ZC3H12B: variants seen among roughly 807,000 people sequenced by gnomAD.
ZC3H12B encodes the protein probable ribonuclease ZC3H12B.
ZC3H12B carries 7 observed loss-of-function variants against 43.9 expected under a neutral mutation model. The ratio of observed to expected loss-of-function variants is 0.16; its 90% CI spans 0.09 to 0.30. The LOEUF is 0.30. ZC3H12B is among the 10% of genes least tolerant of loss of function. The pLI is 1.00. For missense variants in ZC3H12B, 475 were observed against 670.2 expected, an observed-to-expected ratio of 0.71 and a Z score of 3.22; for synonymous variants, 222 against 241.7, an observed-to-expected ratio of 0.92 and a Z score of 0.76.
chrX:65,436,999 C>T lies in ZC3H12B; in HGVS notation n.407+38295C>T, dbSNP rs995144709. 3.6e-5 allele frequency among the ~76,000 whole-genome samples: 4 copies of T among 110,294 alleles called. No individual in the cohort carries two copies. In the Admixed American group the frequency reaches 3.9e-4, roughly 11 times the overall value. On this transcript the variant is annotated intron_variant and non_coding_transcript_variant, in intron 3 of 5. Coordinates refer to the ZC3H12B transcript ENST00000617377. ...ATGGAGTCTTGCTCCATCACCCTGG[C>T]TGTAGTACAGTGGTGGGATCTTGGC...
At chrX:65,172,184 C>T in the ZC3H12B span, among the ~76,000 whole-genome samples, 1 of 112,438 alleles carries the variant, frequency 8.9e-6, no homozygotes, top group Non-Finnish European at 1.9e-5. Flanking sequence ...CTATAATGAC[C>T]AGTGATGACG....
At chrX:65,401,908 C>T (rs1013166370) in intron 3 of ZC3H12B, among the ~76,000 whole-genome samples, 1 of 111,798 alleles carries the variant, frequency 8.9e-6, no homozygotes, top group Non-Finnish European at 1.9e-5. Context: ...ACTGAAGAGG[C>T]CTTGAACCCT....
At chrX:65,271,256 G>C in the ZC3H12B span, 6 of 111,925 alleles carry the variant, frequency 5.4e-5, no homozygotes, top group African/African-American at 2.0e-4. Flanking sequence ...AATTCATCTA[G>C]CCATCATCTC....
intron 3 of ZC3H12B, among the ~76,000 whole-genome samples, chrX:65,434,295 C>T (rs2148113832): frequency 8.9e-6 from 1 of 112,003 alleles, no homozygotes; most frequent in Admixed American, 9.4e-5. Context: ...GTTTTCTGGA[C>T]CCTCCCAGTA....
At chrX:65,085,990 A>C in the ZC3H12B span, among the ~76,000 whole-genome samples, 3 of 110,358 alleles carry the variant, frequency 2.7e-5, no homozygotes, top group Non-Finnish European at 3.8e-5. Context: ...TAGATATTAG[A>C]TAACAATCTA....
At chrX:65,437,110 G>A (rs771716606) in intron 3 of ZC3H12B, among the ~76,000 whole-genome samples, 95 of 110,025 alleles carry the variant, frequency 8.6e-4, no homozygotes, top group Non-Finnish European at 1.6e-3. Context: ...GCACCACCAC[G>A]CCCAGCTAAT....
chrX:65,310,028 C>T, the ZC3H12B span, among the ~76,000 whole-genome samples: 1 of 111,896 alleles, frequency 8.9e-6, no homozygotes, highest in Non-Finnish European at 1.9e-5. Flanking sequence ...TTATGACAGA[C>T]TCACAGCCAA....
the ZC3H12B span, among the ~76,000 whole-genome samples, chrX:65,353,221 C>T: frequency 4.5e-5 from 5 of 111,245 alleles, no homozygotes; most frequent in Admixed American, 1.9e-4. Flanking sequence ...CACCCATATA[C>T]GACAGGGTAC....
chrX:65,215,797 G>C, the ZC3H12B span, among the ~76,000 whole-genome samples: 2 of 111,678 alleles, frequency 1.8e-5, no homozygotes, highest in South Asian at 7.5e-4. Context: ...AAGTGTAATC[G>C]TCTCTAGCCT....
chrX:65,184,237 T>C, the ZC3H12B span, among the ~76,000 whole-genome samples: 571 of 111,515 alleles, frequency 5.1e-3, 2 homozygotes, highest in African/African-American at 0.016. Context: ...AGAGACCATG[T>C]CTTATATTTT....
the ZC3H12B span, among the ~76,000 whole-genome samples, chrX:65,227,060 C>G: frequency 9.0e-6 from 1 of 111,409 alleles, no homozygotes. Flanking sequence ...ACTCTCCACC[C>G]CAAATCAACA....
chrX:65,197,217 G>A, the ZC3H12B span, among the ~76,000 whole-genome samples: 1 of 111,749 alleles, frequency 8.9e-6, no homozygotes, highest in South Asian at 3.7e-4. Flanking sequence ...GCGGCTGGGG[G>A]AGGGAGCCAG....
intron 3 of ZC3H12B, among the ~76,000 whole-genome samples, chrX:65,414,856 T>C (rs886749359): frequency 3.6e-5 from 4 of 112,398 alleles, no homozygotes; most frequent in Non-Finnish European, 7.5e-5. Context: ...TATATACTTA[T>C]GGCATACATA....
At chrX:65,185,636 C>T in the ZC3H12B span, 7 of 111,525 alleles carry the variant, frequency 6.3e-5, no homozygotes, top group African/African-American at 2.3e-4. Flanking sequence ...TCCATAAATA[C>T]CTCAAGATCA....
At chrX:65,075,214 T>G in the ZC3H12B span, among the ~76,000 whole-genome samples, 1 of 112,716 alleles carries the variant, frequency 8.9e-6, no homozygotes, top group East Asian at 2.8e-4. Flanking sequence ...CACATCTCTC[T>G]TTAGTTCTTA....
the ZC3H12B span, among the ~76,000 whole-genome samples, chrX:65,202,102 T>A: frequency 0.025 from 1,916 of 75,711 alleles, 194 homozygotes; most frequent in African/African-American, 0.11. Context: ...TATATATATT[T>A]TATATAATAT....
At chrX:65,139,050 C>A in the ZC3H12B span, among the ~76,000 whole-genome samples, 1 of 112,287 alleles carries the variant, frequency 8.9e-6, no homozygotes, top group South Asian at 3.6e-4. Context: ...TGTCTCTTCA[C>A]TGTGTTGATT....
chrX:65,268,957 G>T, the ZC3H12B span, among the ~76,000 whole-genome samples: 1 of 112,266 alleles, frequency 8.9e-6, no homozygotes. Flanking sequence ...CAGATTACAT[G>T]ACTTTAAATT....
At chrX:65,363,926 C>T (rs933526118), upstream of ZC3H12B, among the ~76,000 whole-genome samples, 1 of 111,367 alleles carries the variant, frequency 9.0e-6, no homozygotes, top group Non-Finnish European at 1.9e-5. Context: ...GTTGAGTCTC[C>T]CACAGTTACC....
Sources: gnomAD v4.1 joint callset for allele counts (sites outside exome capture counted in the v4.1 genomes callset) on GRCh38, gnomAD v4.1.1 for gene constraint, MANE v1.5 for transcripts, NCBI Gene and HGNC (gene_info 2026-07-23, HGNC 2026-07-21) for gene names.